ARHGEF3: variants seen among roughly 807,000 people sequenced by gnomAD.
ARHGEF3 encodes the protein Rho guanine nucleotide exchange factor 3, also known as 59.8 kDA protein.
In ARHGEF3, 28 loss-of-function variants were observed where a neutral mutation model predicts 63.2. The ratio of observed to expected loss-of-function variants is 0.44; its 90% CI spans 0.33 to 0.61. The LOEUF (loss-of-function observed/expected upper bound fraction) is 0.61. Ranked by LOEUF, ARHGEF3 falls within the 20% of genes least tolerant of loss-of-function variation. ARHGEF3 has a pLI of 0.03. For missense variants in ARHGEF3, 533 were observed against 659.3 expected, an observed-to-expected ratio of 0.81 and a Z score of 2.10; for synonymous variants, 266 against 254.2, an observed-to-expected ratio of 1.05 and a Z score of -0.44.
At chr3:57,035,778 G>A (rs531274959) in intron 1 of ARHGEF3, among the ~76,000 whole-genome samples, 6 of 152,294 alleles carry the variant, frequency 3.9e-5, no homozygotes, top group East Asian at 1.9e-4. Flanking sequence ...ACCTTCCCAC[G>A]GGCTGGAACC....
At chr3:56,923,977 T>C (rs1389662294) in intron 3 of ARHGEF3, among the ~76,000 whole-genome samples, 2 of 152,218 alleles carry the variant, frequency 1.3e-5, no homozygotes, top group Non-Finnish European at 2.9e-5. Context: ...AGGCTGTCCC[T>C]TTAAGTCAGA....
chr3:56,839,189 A>G (rs568129669), intron 4 of ARHGEF3, among the ~76,000 whole-genome samples: 8 of 152,260 alleles, frequency 5.3e-5, no homozygotes, highest in Non-Finnish European at 8.8e-5. Flanking sequence ...GCAAGAGAAC[A>G]TAATATCCAT....
intron 2 of ARHGEF3, among the ~76,000 whole-genome samples, chr3:56,970,238 A>T (rs1311674502): frequency 1.3e-5 from 2 of 152,208 alleles, no homozygotes; most frequent in African/African-American, 4.8e-5. Context: ...TTTTATGTGT[A>T]TTCTACTACA....
chr3:57,014,370 TC>T (rs1702875673), intron 2 of ARHGEF3, among the ~76,000 whole-genome samples: 2 of 152,130 alleles, frequency 1.3e-5, no homozygotes, highest in Non-Finnish European at 2.9e-5. Flanking sequence ...TACAGCACCT[TC>T]CTTCCAAACC....
intron 3 of ARHGEF3, among the ~76,000 whole-genome samples, chr3:56,952,288 G>A (rs899492157): frequency 1.3e-5 from 2 of 152,156 alleles, no homozygotes; most frequent in African/African-American, 2.4e-5. Context: ...GCGACCCCAA[G>A]CTGACAGCCA....
chr3:57,007,075 T>G, intron 2 of ARHGEF3: 1 of 991,028 alleles, frequency 1.0e-6, no homozygotes, highest in Non-Finnish European at 1.3e-6. Context: ...TGCTGACTAT[T>G]AAGGTGTGCT....
At chr3:56,802,580 C>CG (rs1277191975), upstream of ARHGEF3, among the ~76,000 whole-genome samples, 2 of 152,138 alleles carry the variant, frequency 1.3e-5, no homozygotes, top group African/African-American at 4.8e-5. Flanking sequence ...CCACCACCCC[C>CG]GGAAAATTCC....
chr3:56,834,133 G>A (rs570042241), intron 4 of ARHGEF3, among the ~76,000 whole-genome samples: 11 of 152,162 alleles, frequency 7.2e-5, no homozygotes, highest in African/African-American at 2.4e-4. Flanking sequence ...CCGAACTCCT[G>A]ACCTTGTGGT....
chr3:56,824,746 AC>A (rs1274868364), intron 4 of ARHGEF3, among the ~76,000 whole-genome samples: 1 of 152,216 alleles, frequency 6.6e-6, no homozygotes, highest in African/African-American at 2.4e-5. Flanking sequence ...GGAATGAACT[AC>A]TATCCAGTCC....
At chr3:56,928,179 T>C (rs903609936) in intron 3 of ARHGEF3, among the ~76,000 whole-genome samples, 2 of 152,154 alleles carry the variant, frequency 1.3e-5, no homozygotes, top group South Asian at 2.1e-4. Flanking sequence ...CCAAAGCTTA[T>C]GGCACCTGTA....
In ARHGEF3 at chr3:56,729,228, A is replaced by C; in HGVS notation, c.*42T>G. 6.5e-7 allele frequency: 1 copy of C among 1,542,648 alleles called. No homozygotes were observed. The highest frequency in any genetic ancestry group is 2.3e-5 in the East Asian group (1 of 44,402). On this transcript the variant is annotated 3_prime_UTR_variant, in exon 10 of 10. Coordinates refer to ENST00000296315, the MANE Select transcript of ARHGEF3 (RefSeq NM_019555.3). ...CATCTGTGGAATGCAAATACTGTAC[A>C]GGTAAGATGCAGGCCTGCTTCCCGA...
At chr3:56,793,369 CCGCG>C (rs1559944694) in intron 1 of ARHGEF3, among the ~76,000 whole-genome samples, 1 of 152,206 alleles carries the variant, frequency 6.6e-6, no homozygotes, top group Non-Finnish European at 1.5e-5. Flanking sequence ...CGGGGTTTCA[CCGCG>C]TTAGCCAGGA....
intron 2 of ARHGEF3, among the ~76,000 whole-genome samples, chr3:57,034,179 G>A (rs149632966): frequency 0.041 from 6,288 of 151,810 alleles, 440 homozygotes; most frequent in African/African-American, 0.14. Flanking sequence ...CTGGAGTGCA[G>A]TGGCTATTCA....
chr3:56,925,612 T>C (rs1044786106), intron 3 of ARHGEF3, among the ~76,000 whole-genome samples: 1 of 151,820 alleles, frequency 6.6e-6, no homozygotes, highest in African/African-American at 2.4e-5. Flanking sequence ...CTAATTTAAT[T>C]CTATGACCAC....
At chr3:56,914,147 G>A (rs2041926547) in intron 3 of ARHGEF3, among the ~76,000 whole-genome samples, 1 of 152,194 alleles carries the variant, frequency 6.6e-6, no homozygotes, top group African/African-American at 2.4e-5. Context: ...AGAGGAGTGA[G>A]GGATAAAAGA....
chr3:56,729,307 G>A lies in ARHGEF3; in HGVS notation c.1544C>T (p.Ser515Phe). The A allele has an allele frequency of 6.2e-7, 1 of 1,613,946 alleles. No homozygotes were observed. The highest frequency in any genetic ancestry group is 1.7e-5 in the Admixed American group (1 of 59,994). ...DCERMEQTDS[S>F]CGNSRHGESN... is the part of the protein sequence containing the mutation. ...TTCACCGTGCCTGCTGTTTCCACAG[G>A]AAGAGTCTGTCTGTTCCATGCGCTC... The change falls in exon 10 of 10, where the codon TCC becomes TTC. Residue 515 changes from serine to phenylalanine, a missense_variant. By Grantham distance (155) the Ser-to-Phe change is radical. Transcript: ENST00000296315.
chr3:56,728,984 T>C lies in ARHGEF3; in HGVS notation c.*286A>G. ...AGTTTTGAGATTCTTTTTCTATTTT[T>C]TTAAAATCCAGCAGGACAACTGAAA... On this transcript the variant is annotated 3_prime_UTR_variant, in exon 10 of 10. Coordinates refer to ENST00000296315, the MANE Select transcript of ARHGEF3 (RefSeq NM_019555.3). 1 of 311,112 alleles carries C rather than the reference T, an allele frequency of 3.2e-6. No homozygotes were observed. The highest frequency in any genetic ancestry group is 5.9e-6 in the Non-Finnish European group (1 of 169,504). 19.3% of individuals were successfully genotyped at this position (311,112 alleles called of 1,614,324 possible).
At chr3:56,938,788 T>G (rs914100948) in intron 3 of ARHGEF3, 2 of 152,238 alleles carry the variant, frequency 1.3e-5, no homozygotes, top group African/African-American at 4.8e-5. Context: ...AGCTAGTGTG[T>G]GCCACTGGCC....
chr3:56,880,887 A>C (rs1448882466), intron 4 of ARHGEF3, among the ~76,000 whole-genome samples: 1 of 152,246 alleles, frequency 6.6e-6, no homozygotes. Context: ...AAACTGGCCC[A>C]ACTCCATCAA....
Sources: allele counts gnomAD v4.1 joint callset (sites outside exome capture counted in the v4.1 genomes callset), GRCh38; gene constraint gnomAD v4.1.1; transcripts MANE v1.5; gene names NCBI Gene and HGNC (gene_info 2026-07-23, HGNC 2026-07-21).